Variants in PTPN9 observed in about 807,000 individuals in gnomAD.
PTPN9 encodes the protein tyrosine-protein phosphatase non-receptor type 9.
A neutral mutation model predicts 69.8 loss-of-function variants in PTPN9; 26 were observed. The observed-to-expected ratio is 0.37, with a 90% confidence interval of 0.27 to 0.52. The LOEUF (loss-of-function observed/expected upper bound fraction) is 0.52. Among genes scored for constraint, PTPN9 ranks in the 20% least tolerant of loss-of-function variants. PTPN9 has a pLI of 0.91. For synonymous variants in PTPN9, 274 were observed against 272.5 expected (o/e 1.01, Z -0.05); for missense variants, 549 against 740.3 (o/e 0.74, Z 3.00).
At chr15:75,555,881 C>G (rs2075074795) in intron 1 of PTPN9, among the ~76,000 whole-genome samples, 1 of 151,746 alleles carries the variant, frequency 6.6e-6, no homozygotes, top group South Asian at 2.1e-4. Flanking sequence ...AGAACCACTG[C>G]TCTAGCCAGG....
intron 1 of PTPN9, among the ~76,000 whole-genome samples, chr15:75,541,719 G>A (rs1369498288): frequency 2.0e-5 from 3 of 150,730 alleles, no homozygotes; most frequent in Non-Finnish European, 4.4e-5. Flanking sequence ...ATTATTTTTT[G>A]TTTTTGAGAC....
intron 1 of PTPN9, among the ~76,000 whole-genome samples, chr15:75,550,718 A>G (rs1049935088): frequency 6.6e-6 from 1 of 152,042 alleles, no homozygotes; most frequent in Non-Finnish European, 1.5e-5. Flanking sequence ...ACCCGGGAGA[A>G]GGTTGCAGTG....
Position 75,578,831 on chromosome 15 carries a change from G to T in PTPN9, c.-55C>A, listed in dbSNP as rs997160517. 1.3e-5 allele frequency: 15 copies of T among 1,142,826 alleles called. No individual in the cohort carries two copies. The African/African-American group carries it at 2.3e-4, about 17-fold the overall frequency. The allele number at this position is 1,142,826 out of a possible 1,614,324, so 70.8% of individuals were successfully genotyped here. ...ACTCGCTCGCGAGCGCGGGAGCCCG[G>T]CGCGCTCGGCCTCCGCTTCCGCGTC... On this transcript the variant is annotated 5_prime_UTR_variant, in exon 1 of 13. Transcript: ENST00000618819.
intron 4 of PTPN9, among the ~76,000 whole-genome samples, chr15:75,522,274 G>A (rs773859248): frequency 6.6e-6 from 1 of 152,150 alleles, no homozygotes; most frequent in African/African-American, 2.4e-5. Context: ...GATGACCTGA[G>A]CTGGTTCTTT....
At chr15:75,548,747 G>T (rs1423893300) in intron 1 of PTPN9, among the ~76,000 whole-genome samples, 1 of 147,174 alleles carries the variant, frequency 6.8e-6, no homozygotes, top group Non-Finnish European at 1.5e-5. Context: ...TCTGCCACCA[G>T]GGTTCACGCC....
intron 9 of PTPN9, among the ~76,000 whole-genome samples, chr15:75,476,302 G>A (rs980857193): frequency 6.6e-6 from 1 of 152,090 alleles, no homozygotes; most frequent in African/African-American, 2.4e-5. Flanking sequence ...AGCACATTTG[G>A]TTAAATTAAA....
chr15:75,547,358 G>A (rs1443324394), intron 1 of PTPN9, among the ~76,000 whole-genome samples: 2 of 150,840 alleles, frequency 1.3e-5, no homozygotes, highest in African/African-American at 4.9e-5. Flanking sequence ...CAGCACTTTG[G>A]GAGGCCAAGG....
At chr15:75,490,438 A>G in intron 7 of PTPN9, 137 bp from the exon 8 acceptor site, 1 of 645,428 alleles carries the variant, frequency 1.5e-6, no homozygotes, top group East Asian at 2.6e-5. Flanking sequence ...TCTAGCCCAT[A>G]CAGTTCCATA....
chr15:75,513,335 T>TCACA (rs1414163423), intron 5 of PTPN9: 1 of 456,094 alleles, frequency 2.2e-6, no homozygotes, highest in East Asian at 6.9e-5. Context: ...AAGTAGTTTA[T>TCACA]CACACTTCAG....
chr15:75,502,736 A>T (rs2074780695), intron 7 of PTPN9, among the ~76,000 whole-genome samples: 1 of 152,156 alleles, frequency 6.6e-6, no homozygotes. Flanking sequence ...TTATACCATA[A>T]ATGTTATGGG....
At chr15:75,514,241 C>A (rs2074858513) in intron 5 of PTPN9, among the ~76,000 whole-genome samples, 2 of 150,878 alleles carry the variant, frequency 1.3e-5, no homozygotes, top group African/African-American at 4.9e-5. Flanking sequence ...TGCATGGTAA[C>A]CACACCCATG....
chr15:75,486,309 G>C (rs1274265977), intron 8 of PTPN9, among the ~76,000 whole-genome samples: 1 of 152,096 alleles, frequency 6.6e-6, no homozygotes, highest in Non-Finnish European at 1.5e-5. Context: ...CCTTTAGACA[G>C]GTGATTAGGA....
Position 75,504,706 on chromosome 15 carries a change from G to A in PTPN9, c.968+969C>T, listed in dbSNP as rs1360457014. Among the ~76,000 whole-genome samples, 9 of 140,480 alleles carry A rather than the reference G, an allele frequency of 6.4e-5. No homozygotes were observed. The East Asian group carries it at 6.6e-4, about 10-fold the overall frequency. 92.2% of individuals were successfully genotyped at this position (140,480 alleles called of 152,430 possible). ...AGGGAGGTGGGGGGGTCAGCCCCCCGCCCGGGAGGTGAGGGGCGCCTCTGC... is the reference window on the plus strand; with the variant it reads ...AGGGAGGTGGGGGGGTCAGCCCCCCACCCGGGAGGTGAGGGGCGCCTCTGC... On this transcript the variant is annotated intron_variant, in intron 7 of 12. Coordinates refer to ENST00000618819, the MANE Select transcript of PTPN9 (RefSeq NM_002833.4).
intron 8 of PTPN9, chr15:75,480,957 C>T (rs2074629131): frequency 5.4e-6 from 1 of 185,768 alleles, no homozygotes; most frequent in South Asian, 2.6e-4. Flanking sequence ...AGGAGCCCCT[C>T]TGCCTGGCTG....
chr15:75,559,128 C>T (rs527597451), intron 1 of PTPN9, among the ~76,000 whole-genome samples: 11 of 151,778 alleles, frequency 7.2e-5, no homozygotes, highest in African/African-American at 2.4e-4. Flanking sequence ...GTGGGGAGCG[C>T]CTCTGCCCCG....
chr15:75,477,214 T>C (rs1247775801), intron 9 of PTPN9, among the ~76,000 whole-genome samples: 1 of 152,228 alleles, frequency 6.6e-6, no homozygotes, highest in East Asian at 1.9e-4. Flanking sequence ...TATAAATTAA[T>C]AAACCTCCCT....
intron 7 of PTPN9, among the ~76,000 whole-genome samples, chr15:75,497,098 A>G (rs1249267538): frequency 6.7e-6 from 1 of 149,688 alleles, no homozygotes; most frequent in Non-Finnish European, 1.5e-5. Flanking sequence ...AAGAAATATC[A>G]TATTCATACT....
chr15:75,532,888 A>G (rs541883690), intron 1 of PTPN9, among the ~76,000 whole-genome samples: 1 of 152,334 alleles, frequency 6.6e-6, no homozygotes, highest in South Asian at 2.1e-4. Flanking sequence ...TAGGTTTAAC[A>G]TGACCACTGA....
chr15:75,551,929 T>C (rs1235550826), intron 1 of PTPN9, among the ~76,000 whole-genome samples: 3 of 151,246 alleles, frequency 2.0e-5, no homozygotes, highest in Non-Finnish European at 4.4e-5. Flanking sequence ...TCCCAGTTAC[T>C]TGGGAGGCTG....
Sources: allele counts gnomAD v4.1 joint callset (sites outside exome capture counted in the v4.1 genomes callset), GRCh38; gene constraint gnomAD v4.1.1; transcripts MANE v1.5; gene names NCBI Gene and HGNC (gene_info 2026-07-23, HGNC 2026-07-21).